HSD17B12: variants seen among roughly 807,000 people sequenced by gnomAD.
The protein encoded by HSD17B12 is hydroxysteroid 17-beta dehydrogenase 12.
A neutral mutation model predicts 39.3 loss-of-function variants in HSD17B12; 32 were observed. The observed-to-expected ratio is 0.81, with a 90% CI of 0.61 to 1.09. The LOEUF is 1.09. Ranked by LOEUF, HSD17B12 falls within the 50% of genes least tolerant of loss-of-function variation. The probability of loss-of-function intolerance (pLI) is 0.00; values close to 1 mark genes in which losing one functional copy is unlikely to be tolerated. For missense variants in HSD17B12, 342 were observed against 382.9 expected, an observed-to-expected ratio of 0.89 and a Z score of 0.89; for synonymous variants, 150 against 146.7, an observed-to-expected ratio of 1.02 and a Z score of -0.16.
intron 3 of HSD17B12, among the ~76,000 whole-genome samples, chr11:43,763,586 T>TTATA (rs144415393): frequency 0.03 from 4,422 of 145,806 alleles, 228 homozygotes; most frequent in African/African-American, 0.1. Context: ...TTTTATACCC[T>TTATA]TATATATATA....
intron 1 of HSD17B12, among the ~76,000 whole-genome samples, chr11:43,692,147 A>C (rs888837230): frequency 6.6e-6 from 1 of 152,218 alleles, no homozygotes; most frequent in Non-Finnish European, 1.5e-5. Context: ...GTGTATTTGC[A>C]CTATAATATT....
the HSD17B12 span, among the ~76,000 whole-genome samples, chr11:43,652,195 G>C: frequency 1.3e-5 from 2 of 152,154 alleles, no homozygotes; most frequent in Admixed American, 1.3e-4. Context: ...AGACAAGAAA[G>C]TTGGAGGACT....
chr11:43,656,703 C>A, the HSD17B12 span, among the ~76,000 whole-genome samples: 1 of 152,012 alleles, frequency 6.6e-6, no homozygotes, highest in African/African-American at 2.4e-5. Context: ...TCATGTAGTT[C>A]AGCCGTTTTG....
At chr11:43,819,764 A>T (rs1033219938) in intron 6 of HSD17B12, among the ~76,000 whole-genome samples, 5 of 152,150 alleles carry the variant, frequency 3.3e-5, no homozygotes, top group Admixed American at 1.3e-4. Context: ...CTGGATATCT[A>T]CTTACAATTT....
chr11:43,654,223 G>A, the HSD17B12 span, among the ~76,000 whole-genome samples: 5 of 152,062 alleles, frequency 3.3e-5, no homozygotes, highest in East Asian at 9.6e-4. Context: ...ATATCCTTCG[G>A]CCACTTTTTG....
intron 9 of HSD17B12, among the ~76,000 whole-genome samples, chr11:43,850,446 A>C (rs1518821): frequency 0.66 from 99,582 of 151,954 alleles, 32,967 homozygotes; most frequent in East Asian, 0.76. Context: ...GACACCATGT[A>C]TGAAATCTCA....
chr11:43,690,404 A>ATATATATTTT (rs1554959942), intron 1 of HSD17B12, among the ~76,000 whole-genome samples: 2 of 24,956 alleles, frequency 8.0e-5, no homozygotes, highest in Non-Finnish European at 1.4e-4. Flanking sequence ...ATATATATAT[A>ATATATATTTT]TTTTTTTTTT....
intron 1 of HSD17B12, among the ~76,000 whole-genome samples, chr11:43,704,542 T>C (rs1277159198): frequency 6.6e-6 from 1 of 152,212 alleles, no homozygotes; most frequent in Non-Finnish European, 1.5e-5. Flanking sequence ...TGGTTGCTTG[T>C]TGACAGAATC....
In HSD17B12 at chr11:43,831,187, C is replaced by G; in HGVS notation, c.536+177C>G. ...GAGCATGAGTCATCGGTGGTGGAGGCCTTTTCCACTCGATTCCCTTTTTAT... is the reference window on the plus strand; with the variant it reads ...GAGCATGAGTCATCGGTGGTGGAGGGCTTTTCCACTCGATTCCCTTTTTAT... On this transcript the variant is annotated intron_variant, in intron 7 of 10. Transcript: ENST00000278353. This position sits in a 1 kb window ranked among gnomAD's most constrained non-coding sequence, Gnocchi z 4.1. 2.2e-6 allele frequency: 1 copy of G among 461,434 alleles called. No homozygotes were observed. 28.6% of individuals were successfully genotyped at this position (461,434 alleles called of 1,614,324 possible).
At chr11:43,631,085 G>A in the HSD17B12 span, among the ~76,000 whole-genome samples, 1 of 152,158 alleles carries the variant, frequency 6.6e-6, no homozygotes, top group Non-Finnish European at 1.5e-5. Context: ...GATTACAGGC[G>A]TGAGCCATAG....
chr11:43,801,344 G>T (rs991589128), intron 4 of HSD17B12, among the ~76,000 whole-genome samples: 1 of 152,018 alleles, frequency 6.6e-6, no homozygotes, highest in Non-Finnish European at 1.5e-5. Flanking sequence ...TAGGAAAAAG[G>T]AGGATTCCAG....
At chr11:43,715,353 A>G (rs1950111264) in intron 1 of HSD17B12, among the ~76,000 whole-genome samples, 1 of 152,142 alleles carries the variant, frequency 6.6e-6, no homozygotes, top group Non-Finnish European at 1.5e-5. Flanking sequence ...GAATTTTGTC[A>G]AATGCCTTTT....
intron 1 of HSD17B12, 82 bp downstream of exon 1, chr11:43,681,069 G>A: frequency 7.0e-7 from 1 of 1,425,202 alleles, no homozygotes; most frequent in East Asian, 2.7e-5. Flanking sequence ...TCTGGGGTCT[G>A]CTCCTGGCCT....
the HSD17B12 span, chr11:43,569,523 G>A: frequency 6.6e-6 from 1 of 152,172 alleles, no homozygotes. Flanking sequence ...TTGATGAATA[G>A]TCTGTTCAGA....
At chr11:43,562,506 G>A in the HSD17B12 span, among the ~76,000 whole-genome samples, 2 of 152,196 alleles carry the variant, frequency 1.3e-5, no homozygotes, top group African/African-American at 2.4e-5. Context: ...TATTTGCAAG[G>A]CTTGGCTCAG....
chr11:43,855,110 A>C, intron 10 of HSD17B12, 34 bp from the exon 11 acceptor site: 2 of 1,388,372 alleles, frequency 1.4e-6, no homozygotes, highest in Non-Finnish European at 2.0e-6. Context: ...ATTGTAGGCT[A>C]TAATTACATA....
intron 9 of HSD17B12, among the ~76,000 whole-genome samples, chr11:43,850,464 C>G (rs1186887380): frequency 6.6e-6 from 1 of 152,250 alleles, no homozygotes; most frequent in Non-Finnish European, 1.5e-5. Context: ...TCATACTGTG[C>G]AAATACACTA....
the HSD17B12 span, among the ~76,000 whole-genome samples, chr11:43,567,685 G>C: frequency 1.3e-5 from 2 of 152,214 alleles, no homozygotes; most frequent in African/African-American, 4.8e-5. Context: ...AGGAGAAAAG[G>C]TGTCCTGAGG....
At chr11:43,694,546 G>A (rs1024675217) in intron 1 of HSD17B12, among the ~76,000 whole-genome samples, 1 of 152,030 alleles carries the variant, frequency 6.6e-6, no homozygotes, top group African/African-American at 2.4e-5. Flanking sequence ...AAATGAGCCA[G>A]GCATGGTGGT....
Sources: gnomAD v4.1 joint callset for allele counts (sites outside exome capture counted in the v4.1 genomes callset) on GRCh38, gnomAD v4.1.1 for gene constraint, Gnocchi (gnomAD v3.1) non-coding constraint, MANE v1.5 for transcripts, NCBI Gene and HGNC (gene_info 2026-07-23, HGNC 2026-07-21) for gene names.